GRID2: variants seen among roughly 807,000 people sequenced by gnomAD.
GRID2 encodes glutamate receptor ionotropic, delta-2.
Under a neutral mutation model 114.8 loss-of-function variants are expected in GRID2, and 33 were observed. The ratio of observed to expected loss-of-function variants is 0.29; its 90% CI spans 0.22 to 0.38. GRID2 has a LOEUF of 0.38. Ranked by LOEUF, GRID2 falls within the 10% of genes least tolerant of loss-of-function variation. The probability of loss-of-function intolerance (pLI) is 1.00; values close to 1 mark genes in which losing one functional copy is unlikely to be tolerated. For missense variants in GRID2, 1,184 were observed against 1,257.7 expected, an observed-to-expected ratio of 0.94 and a Z score of 0.89; for synonymous variants, 505 against 449.9, an observed-to-expected ratio of 1.12 and a Z score of -1.55.
intron 2 of GRID2, among the ~76,000 whole-genome samples, chr4:92,712,238 C>T (rs564740924): frequency 8.6e-5 from 13 of 152,036 alleles, no homozygotes; most frequent in Non-Finnish European, 1.5e-4. Flanking sequence ...TTTGTATTTA[C>T]AATCGGTTAT....
At chr4:92,706,587 G>A (rs1174356127) in intron 2 of GRID2, among the ~76,000 whole-genome samples, 1 of 152,078 alleles carries the variant, frequency 6.6e-6, no homozygotes, top group Non-Finnish European at 1.5e-5. Flanking sequence ...GTAAATTTTG[G>A]TTATCACAAT....
At chr4:93,741,468 T>C (rs1273732214) in intron 14 of GRID2, among the ~76,000 whole-genome samples, 2 of 152,020 alleles carry the variant, frequency 1.3e-5, no homozygotes, top group Non-Finnish European at 2.9e-5. Context: ...AAAGACAACT[T>C]TTTATCAACA....
At chr4:93,210,831 TATTA>T (rs1432136048) in intron 5 of GRID2, among the ~76,000 whole-genome samples, 1 of 152,106 alleles carries the variant, frequency 6.6e-6, no homozygotes, top group Non-Finnish European at 1.5e-5. Flanking sequence ...AGCTTTTTTG[TATTA>T]ATTATTTTCT....
intron 1 of GRID2, among the ~76,000 whole-genome samples, chr4:92,530,663 A>C (rs1262109503): frequency 2.0e-5 from 3 of 150,422 alleles, no homozygotes; most frequent in Non-Finnish European, 4.4e-5. Context: ...GTACATTGGG[A>C]GGCCAAGGCG....
At chr4:92,529,273 G>C (rs76517515) in intron 1 of GRID2, among the ~76,000 whole-genome samples, 4 of 151,990 alleles carry the variant, frequency 2.6e-5, no homozygotes, top group Non-Finnish European at 5.9e-5. Flanking sequence ...TTACAATGTA[G>C]TGAGAGAGAG....
chr4:92,691,688 T>C (rs1734189604), intron 2 of GRID2, among the ~76,000 whole-genome samples: 1 of 152,234 alleles, frequency 6.6e-6, no homozygotes, highest in Admixed American at 6.5e-5. Flanking sequence ...AAATGTGTTT[T>C]GCAGAACAAG....
chr4:92,435,814 C>A (rs1732709945), intron 1 of GRID2, among the ~76,000 whole-genome samples: 1 of 152,156 alleles, frequency 6.6e-6, no homozygotes, highest in South Asian at 2.1e-4. Flanking sequence ...GTTTGTTCTC[C>A]ATCACTGGAA....
chr4:93,569,403 C>A (rs1039459133), intron 13 of GRID2, among the ~76,000 whole-genome samples: 2 of 152,132 alleles, frequency 1.3e-5, no homozygotes, highest in African/African-American at 4.8e-5. Flanking sequence ...GGTTCACCTT[C>A]CAAATTACAT....
chr4:92,341,843 A>G (rs1002415986), intron 1 of GRID2, among the ~76,000 whole-genome samples: 1 of 151,148 alleles, frequency 6.6e-6, no homozygotes, highest in Non-Finnish European at 1.5e-5. Flanking sequence ...TGAACTCGGG[A>G]GGCAGAGCTT....
At chr4:92,730,820 G>A (rs1042905174) in intron 2 of GRID2, among the ~76,000 whole-genome samples, 8 of 151,932 alleles carry the variant, frequency 5.3e-5, no homozygotes, top group South Asian at 4.1e-4. Context: ...GCACAAAGCT[G>A]TTAATTCAAA....
At chr4:92,403,693 AAAATAAATAAATAAATAAATAAATAAAT>A (rs58063095) in intron 1 of GRID2, among the ~76,000 whole-genome samples, 1 of 139,140 alleles carries the variant, frequency 7.2e-6, no homozygotes, top group African/African-American at 2.6e-5. Context: ...CTCCATCTCA[AAAATAAATAAATAAATAAATAAATAAAT>A]AAATAAATAA....
intron 7 of GRID2, among the ~76,000 whole-genome samples, chr4:93,226,518 C>T (rs940302040): frequency 2.6e-5 from 4 of 152,192 alleles, no homozygotes; most frequent in Admixed American, 6.5e-5. Context: ...TTTCTGGATA[C>T]GCTGAGACAG....
chr4:93,380,393 C>A (rs1209164643), intron 8 of GRID2, among the ~76,000 whole-genome samples: 1 of 151,218 alleles, frequency 6.6e-6, no homozygotes, highest in Admixed American at 6.7e-5. Context: ...TCCTCTGGAA[C>A]TTGGAGAGAA....
intron 2 of GRID2, among the ~76,000 whole-genome samples, chr4:92,849,822 G>C (rs959396486): frequency 1.3e-5 from 2 of 151,524 alleles, no homozygotes; most frequent in South Asian, 4.1e-4. Flanking sequence ...ACAATAATTT[G>C]TACTTATTTT....
intron 1 of GRID2, among the ~76,000 whole-genome samples, chr4:92,394,158 A>C (rs1730383061): frequency 6.6e-6 from 1 of 152,170 alleles, no homozygotes; most frequent in Non-Finnish European, 1.5e-5. Context: ...TTTTTGTTAC[A>C]ATGAAGATCA....
intron 2 of GRID2, among the ~76,000 whole-genome samples, chr4:92,641,353 T>C (rs1386006085): frequency 1.3e-5 from 2 of 151,800 alleles, no homozygotes; most frequent in African/African-American, 4.8e-5. Flanking sequence ...GACTCAATCA[T>C]GGCTTACTGA....
intron 1 of GRID2, among the ~76,000 whole-genome samples, chr4:92,506,450 G>A (rs1200104426): frequency 3.9e-5 from 6 of 151,906 alleles, no homozygotes; most frequent in Non-Finnish European, 8.8e-5. Flanking sequence ...GCTGTTTTTA[G>A]AAAAGAAATA....
At chr4:92,719,099 G>A (rs1735687408) in intron 2 of GRID2, among the ~76,000 whole-genome samples, 1 of 151,700 alleles carries the variant, frequency 6.6e-6, no homozygotes, top group African/African-American at 2.4e-5. Context: ...CTATTCTCCT[G>A]TCTCAGCCAC....
At chr4:93,401,367 CTAAAAT>C (rs1176076117) in intron 9 of GRID2, among the ~76,000 whole-genome samples, 1 of 151,982 alleles carries the variant, frequency 6.6e-6, no homozygotes, top group East Asian at 1.9e-4. Context: ...TTTAATCTCT[CTAAAAT>C]TAGGATGCAT....
Sources: allele counts gnomAD v4.1 joint callset (sites outside exome capture counted in the v4.1 genomes callset), GRCh38; gene constraint gnomAD v4.1.1; transcripts MANE v1.5; gene names NCBI Gene and HGNC (gene_info 2026-07-23, HGNC 2026-07-21).